CSGALNACT1: variants seen among roughly 807,000 people sequenced by gnomAD.
CSGALNACT1 encodes the protein chondroitin sulfate N-acetylgalactosaminyltransferase 1, also known as beta4GalNAcT-1.
Under a neutral mutation model 51.0 loss-of-function variants are expected in CSGALNACT1, and 52 were observed. The ratio of observed to expected loss-of-function variants is 1.02; its 90% CI spans 0.82 to 1.29. The LOEUF (loss-of-function observed/expected upper bound fraction) is 1.29, where lower values mean the gene tolerates loss of function less well. CSGALNACT1 is among the 50% of genes most tolerant of loss of function. The pLI, the probability that CSGALNACT1 is intolerant of heterozygous loss-of-function variation, is 0.00. For synonymous variants in CSGALNACT1, 341 were observed against 254.4 expected, an observed-to-expected ratio of 1.34 and a Z score of -3.24; for missense variants, 935 against 679.2, an observed-to-expected ratio of 1.38 and a Z score of -4.19.
chr8:19,497,135 G>A (rs548231180), intron 4 of CSGALNACT1, among the ~76,000 whole-genome samples: 5 of 152,192 alleles, frequency 3.3e-5, no homozygotes, highest in African/African-American at 4.8e-5. Flanking sequence ...CGTGGTACCT[G>A]CCTAGGACTG....
intron 3 of CSGALNACT1, among the ~76,000 whole-genome samples, chr8:19,581,009 A>T (rs982615173): frequency 1.3e-5 from 2 of 152,206 alleles, no homozygotes; most frequent in Admixed American, 6.5e-5. Context: ...GTCACATTTA[A>T]GACAGGAAAA....
upstream of CSGALNACT1, among the ~76,000 whole-genome samples, chr8:19,603,003 T>A (rs2050767418): frequency 6.8e-6 from 1 of 148,002 alleles, no homozygotes; most frequent in African/African-American, 2.5e-5. Context: ...CATACACAAA[T>A]ATATTCATAT....
At position 19,561,416 on chromosome 8, in the gene CSGALNACT1, A is replaced by G. The variant is rs2040687759; in HGVS notation, c.-297+29744T>C. On this transcript the variant is annotated intron_variant, in intron 3 of 9. Transcript: ENST00000454498. ...CCAACAAGCACAGGAAGCTAGGAGA[A>G]TAAGAAACAGATGAAAAATAATGGT... Among the ~76,000 whole-genome samples, 2 of 152,228 alleles carry G rather than the reference A, an allele frequency of 1.3e-5. 1 individual carries two copies. Among genetic ancestry groups the G allele is most frequent in the South Asian group, 4.1e-4 (2 of 4,826 alleles).
intron 6 of CSGALNACT1, among the ~76,000 whole-genome samples, chr8:19,435,451 C>T (rs1426203387): frequency 6.6e-6 from 1 of 151,496 alleles, no homozygotes; most frequent in Non-Finnish European, 1.5e-5. Flanking sequence ...CGAGACTGTG[C>T]CACTGCACTC....
At chr8:19,545,051 G>A (rs565417095) in intron 3 of CSGALNACT1, among the ~76,000 whole-genome samples, 6 of 151,778 alleles carry the variant, frequency 4.0e-5, no homozygotes, top group East Asian at 3.9e-4. Context: ...GATAAATCAC[G>A]ACGACACAGC....
intron 3 of CSGALNACT1, among the ~76,000 whole-genome samples, chr8:19,584,653 G>A (rs929979667): frequency 3.3e-5 from 5 of 152,280 alleles, no homozygotes; most frequent in East Asian, 3.9e-4. Flanking sequence ...TACACTTAGC[G>A]AAGATGAATG....
chr8:19,505,630 G>T (rs755710398), exon 4 of CSGALNACT1: 2 of 1,613,988 alleles, frequency 1.2e-6, no homozygotes, highest in African/African-American at 1.3e-5. Context: ...ACGTAGTTGC[G>T]GTGCTGCTCC....
intron 5 of CSGALNACT1, among the ~76,000 whole-genome samples, chr8:19,445,363 A>G (rs956457481): frequency 2.0e-5 from 3 of 152,214 alleles, no homozygotes; most frequent in African/African-American, 7.2e-5. Context: ...AGTGTGAAGA[A>G]AAAGCATTCT....
At chr8:19,429,269 T>C (rs562282640) in intron 6 of CSGALNACT1, among the ~76,000 whole-genome samples, 1 of 152,312 alleles carries the variant, frequency 6.6e-6, no homozygotes, top group South Asian at 2.1e-4. Flanking sequence ...CTCCACCTCC[T>C]GGTTTCAAGT....
chr8:19,518,507 T>A (rs1003429884), intron 3 of CSGALNACT1, among the ~76,000 whole-genome samples: 4 of 152,196 alleles, frequency 2.6e-5, no homozygotes, highest in African/African-American at 9.6e-5. Flanking sequence ...CAAACCAATC[T>A]GTGAGCCCTA....
chr8:19,608,179 A>T (rs1189181316), intron 1 of CSGALNACT1, among the ~76,000 whole-genome samples: 1 of 152,070 alleles, frequency 6.6e-6, no homozygotes, highest in Admixed American at 6.6e-5. Flanking sequence ...AAGTAAACTC[A>T]CCCCCAAAGA....
At chr8:19,611,901 C>A (rs1230695527) in intron 1 of CSGALNACT1, among the ~76,000 whole-genome samples, 5 of 152,020 alleles carry the variant, frequency 3.3e-5, no homozygotes, top group African/African-American at 1.2e-4. Flanking sequence ...TAAACGTGGG[C>A]AAGCCATGTC....
chr8:19,555,616 G>A (rs1343304655), intron 3 of CSGALNACT1, among the ~76,000 whole-genome samples: 1 of 152,162 alleles, frequency 6.6e-6, no homozygotes, highest in African/African-American at 2.4e-5. Context: ...ACACCTGTGA[G>A]CATCAAAGCA....
chr8:19,599,843 T>C (rs906276745), intron 2 of CSGALNACT1, among the ~76,000 whole-genome samples: 1 of 152,180 alleles, frequency 6.6e-6, no homozygotes, highest in Non-Finnish European at 1.5e-5. Context: ...AACGTGCACA[T>C]TGAGAAGACA....
intron 3 of CSGALNACT1, among the ~76,000 whole-genome samples, chr8:19,577,774 G>A (rs1215416563): frequency 6.6e-6 from 1 of 152,046 alleles, no homozygotes; most frequent in Non-Finnish European, 1.5e-5. Flanking sequence ...AGAAGCTGCA[G>A]CAACTTTGGA....
chr8:19,617,303 ATGG>A (rs1454507071), intron 1 of CSGALNACT1, among the ~76,000 whole-genome samples: 1 of 152,162 alleles, frequency 6.6e-6, no homozygotes, highest in Non-Finnish European at 1.5e-5. Context: ...TTCACCTTCT[ATGG>A]GGCCTGGTTC....
chr8:19,532,270 A>G (rs1172098266), intron 3 of CSGALNACT1, among the ~76,000 whole-genome samples: 2 of 152,088 alleles, frequency 1.3e-5, no homozygotes, highest in Non-Finnish European at 2.9e-5. Context: ...TGGCTTCTTT[A>G]TCCAAGCTAT....
rs541608481 is a variant in CSGALNACT1, at chr8:19,584,023, A to C, written c.-297+7137T>G. On this transcript the variant is annotated intron_variant, in intron 3 of 9. Transcript: ENST00000454498. The stretch of plus-strand genomic sequence containing the variant: ...AAGCACAAACTGGGCCACATCTAAT[A>C]GTCTGCTACATTCATAGACTCAGCC... 3.9e-5 allele frequency among the ~76,000 whole-genome samples: 6 copies of C among 152,330 alleles called. No individual in the cohort carries two copies. In the South Asian group the frequency reaches 1.0e-3, roughly 26 times the overall value.
chr8:19,686,006 G>A (rs2060955242), upstream of CSGALNACT1, among the ~76,000 whole-genome samples: 1 of 152,192 alleles, frequency 6.6e-6, no homozygotes, highest in Non-Finnish European at 1.5e-5. Flanking sequence ...ACTCTTGGTG[G>A]ACTGTGACGT....
Sources: allele counts gnomAD v4.1 joint callset (sites outside exome capture counted in the v4.1 genomes callset), GRCh38; gene constraint gnomAD v4.1.1; transcripts MANE v1.5; gene names NCBI Gene and HGNC (gene_info 2026-07-23, HGNC 2026-07-21).